The following ISLR variants were observed in gnomAD, a reference collection of about 807,000 sequenced individuals.
ISLR encodes immunoglobulin superfamily containing leucine rich repeat.
ISLR carries 9 observed loss-of-function variants against 11.0 expected under a neutral mutation model. The observed-to-expected ratio is 0.82, with a 90% confidence interval of 0.49 to 1.43. The LOEUF is 1.43. Ranked by LOEUF, ISLR falls within the 40% of genes most tolerant of loss-of-function variation. ISLR has a pLI of 0.00. For missense variants in ISLR, 510 were observed against 576.4 expected (o/e 0.88, Z 1.18); for synonymous variants, 262 against 264.1 (o/e 0.99, Z 0.08).
chr15:74,176,253 C>A lies in ISLR; in HGVS notation c.*108C>A. 1.2e-6 allele frequency: 1 copy of A among 818,406 alleles called. No individual in the cohort carries two copies. Among genetic ancestry groups the A allele is most frequent in the Non-Finnish European group, 1.9e-6 (1 of 527,972 alleles). The allele number at this position is 818,406 out of a possible 1,614,324, so 50.7% of individuals were successfully genotyped here. A position where few individuals can be genotyped will look rare whatever the true frequency, so the allele number is the denominator to read the frequency against. ...CCTGAGGCCTGCATGGGTGACTTCA[C>A]ATTTTCCTACCTCTCCTTCTAATCT... is the stretch of plus-strand genomic sequence containing the variant. On this transcript the variant is annotated 3_prime_UTR_variant, in exon 2 of 2. Transcript: ENST00000249842.
rs201993055 is a variant in ISLR, at chr15:74,175,308, G to A, written c.450G>A (p.Ser150=). ...DAFRSLRALR[S]LQLNHNRLHT... ...TCCGCAGCCTCCGTGCTCTGCGCTC[G>A]CTGCAACTCAACCACAACCGCTTGC... Residue 150 remains serine, a synonymous_variant, in exon 2 of 2, where the codon TCG becomes TCA. Coordinates refer to ENST00000249842, the MANE Select transcript of ISLR (RefSeq NM_005545.4). This position sits in a 1 kb window ranked among gnomAD's most constrained non-coding sequence, Gnocchi z 4.7. 3.8e-5 allele frequency: 62 copies of A among 1,611,310 alleles called. No homozygotes were observed. Among genetic ancestry groups the A allele is most frequent in the South Asian group, 2.0e-4 (18 of 91,066 alleles).
Position 74,173,917 on chromosome 15 carries a change from C to T in ISLR, c.-111C>T, listed in dbSNP as rs2072763694. ...CCCCTCGCCCCAGCATCCAAGTCCT[C>T]CCTTGGGCGCCCGTGGCCCTGCAGA... On this transcript the variant is annotated 5_prime_UTR_variant, in exon 1 of 2. Transcript: ENST00000249842. 6.5e-6 allele frequency: 1 copy of T among 153,084 alleles called. No homozygotes were observed. Among genetic ancestry groups the T allele is most frequent in the African/African-American group, 2.4e-5 (1 of 41,490 alleles). The allele number at this position is 153,084 out of a possible 1,614,324, so 9.5% of individuals were successfully genotyped here. A position where few individuals can be genotyped will look rare whatever the true frequency, so the allele number is the denominator to read the frequency against.
In ISLR at chr15:74,173,771, G is replaced by C. The variant is rs1008835804; in HGVS notation, c.-257G>C. On this transcript the variant is annotated 5_prime_UTR_variant, in exon 1 of 2. Transcript: ENST00000249842. Reference sequence around the variant, plus strand: ...AAGCAGTTGTTTTGCTGGAAGGAGGGAGTGCGCGGGCTGCCCCGGGCTCCT... The same window carrying C: ...AAGCAGTTGTTTTGCTGGAAGGAGGCAGTGCGCGGGCTGCCCCGGGCTCCT... The C allele has an allele frequency of 1.3e-5, 2 of 154,478 alleles. No individual in the cohort carries two copies. The highest frequency in any genetic ancestry group is 4.8e-5 in the African/African-American group (2 of 41,546). The allele number at this position is 154,478 out of a possible 1,614,324, so 9.6% of individuals were successfully genotyped here.
At position 74,176,225 on chromosome 15, in the gene ISLR, A is replaced by C; in HGVS notation, c.*80A>C. Reference sequence around the variant, plus strand: ...GTGCTGCAGGGGTCTGGGGTTGGCAACTCCTGAGGCCTGCATGGGTGACTT... The same window carrying C: ...GTGCTGCAGGGGTCTGGGGTTGGCACCTCCTGAGGCCTGCATGGGTGACTT... On this transcript the variant is annotated 3_prime_UTR_variant, in exon 2 of 2. Coordinates refer to ENST00000249842, the MANE Select transcript of ISLR (RefSeq NM_005545.4). 1.7e-6 allele frequency: 2 copies of C among 1,175,128 alleles called. No individual in the cohort carries two copies. Among genetic ancestry groups the C allele is most frequent in the Non-Finnish European group, 1.2e-6 (1 of 839,408 alleles). The allele number at this position is 1,175,128 out of a possible 1,614,324, so 72.8% of individuals were successfully genotyped here. A position where few individuals can be genotyped will look rare whatever the true frequency, so the allele number is the denominator to read the frequency against.
Position 74,176,424 on chromosome 15 carries a change from C to G in ISLR, c.*279C>G. On this transcript the variant is annotated 3_prime_UTR_variant, in exon 2 of 2. Coordinates refer to ENST00000249842, the MANE Select transcript of ISLR (RefSeq NM_005545.4). ...TCTCCTCTCAGGGGCAGCATGCTAA[C>G]GGGGCGACGTCCTAATCCAACTGGG... The G allele has an allele frequency of 2.4e-6, 1 of 410,678 alleles. No individual in the cohort carries two copies. The highest frequency in any genetic ancestry group is 4.5e-6 in the Non-Finnish European group (1 of 223,358). The allele number at this position is 410,678 out of a possible 1,614,324, so 25.4% of individuals were successfully genotyped here.
chr15:74,174,835 A>G lies in ISLR; in HGVS notation c.-8-16A>G. 6.6e-7 allele frequency: 1 copy of G among 1,506,742 alleles called. No homozygotes were observed. The highest frequency in any genetic ancestry group is 8.8e-7 in the Non-Finnish European group (1 of 1,132,352). The allele number at this position is 1,506,742 out of a possible 1,614,324, so 93.3% of individuals were successfully genotyped here. On this transcript the variant is annotated splice_polypyrimidine_tract_variant and intron_variant, in intron 1 of 1. Transcript: ENST00000249842. ...AGGTTCTCGGGATCCCCTGGGTGAC[A>G]TGCCTTTCTCTGCAGGAGGCACCAT...
rs3178164 is a variant in ISLR at position 74,176,864 on chromosome 15, C to G, written c.*719C>G. ...AGCAGCAGAGAAATAAACAGCATTT[C>G]TGATGCCCCTCCGTGTCTGCCTGGA... On this transcript the variant is annotated 3_prime_UTR_variant, in exon 2 of 2. Transcript: ENST00000249842. 1 of 167,302 alleles carries G rather than the reference C, an allele frequency of 6.0e-6. No homozygotes were observed. Among genetic ancestry groups the G allele is most frequent in the Non-Finnish European group, 1.5e-5 (1 of 68,188 alleles). 10.4% of individuals were successfully genotyped at this position (167,302 alleles called of 1,614,324 possible). A position where few individuals can be genotyped will look rare whatever the true frequency, so the allele number is the denominator to read the frequency against.
In ISLR at chr15:74,175,108, A is replaced by T. The variant is rs370512115; in HGVS notation, c.250A>T (p.Asn84Tyr). ...GCTGCAGTCGCTGTGGCTGGCACACAATGAGATCCGCACGGTGGCCGCCGG... is the reference window on the plus strand; with the variant it reads ...GCTGCAGTCGCTGTGGCTGGCACACTATGAGATCCGCACGGTGGCCGCCGG... ...PLLQSLWLAH[N>Y]EIRTVAAGAL... is the part of the protein sequence containing the mutation. Residue 84 changes from asparagine (N) to tyrosine (Y), a missense_variant, in exon 2 of 2, where the codon AAT becomes TAT. Asn to Tyr is a moderately radical substitution (Grantham distance 143). Transcript: ENST00000249842. This position sits in a 1 kb window ranked among gnomAD's most constrained non-coding sequence, Gnocchi z 4.7. The T allele has an allele frequency of 8.4e-5, 136 of 1,611,110 alleles. No individual in the cohort carries two copies. Among genetic ancestry groups the T allele is most frequent in the Non-Finnish European group, 1.1e-4 (133 of 1,179,948 alleles).
rs1257041317 is a variant in ISLR at position 74,175,932 on chromosome 15, G to T, written c.1074G>T (p.Arg358Ser). 2 of 1,610,998 alleles carry T rather than the reference G, an allele frequency of 1.2e-6. No individual in the cohort carries two copies. Among genetic ancestry groups the T allele is most frequent in the Non-Finnish European group, 1.7e-6 (2 of 1,177,728 alleles). Reference protein sequence around the residue: ...GEGGEDTLGRRFHGKAVEGKG... With the variant: ...GEGGEDTLGRSFHGKAVEGKG... ...GTGGTGAGGACACACTGGGGCGCAG[G>T]TTCCATGGCAAAGCGGTTGAGGGAA... Residue 358 changes from arginine to serine, a missense_variant, in exon 2 of 2, where the codon AGG becomes AGT. Coordinates refer to ENST00000249842, the MANE Select transcript of ISLR (RefSeq NM_005545.4). This position sits in a 1 kb window ranked among gnomAD's most constrained non-coding sequence, Gnocchi z 4.7.
rs369092185 is a variant in ISLR, at chr15:74,176,433, G to A, written c.*288G>A. ...AGGGGCAGCATGCTAACGGGGCGAC[G>A]TCCTAATCCAACTGGGAGAAGCCTC... is the stretch of plus-strand genomic sequence containing the variant. On this transcript the variant is annotated 3_prime_UTR_variant, in exon 2 of 2. Transcript: ENST00000249842. 85 of 390,152 alleles carry A rather than the reference G, an allele frequency of 2.2e-4. No individual in the cohort carries two copies. The highest frequency in any genetic ancestry group is 1.2e-3 in the African/African-American group (58 of 48,508). 24.2% of individuals were successfully genotyped at this position (390,152 alleles called of 1,614,324 possible).
At position 74,175,682 on chromosome 15, in the gene ISLR, G is replaced by T. The variant is rs769533239; in HGVS notation, c.824G>T (p.Ser275Ile). The change falls in exon 2 of 2, where the codon AGT becomes ATT. Residue 275 changes from serine (S) to isoleucine (I), a missense_variant. By Grantham distance (142) the Ser-to-Ile change is moderately radical. Transcript: ENST00000249842. This position sits in a 1 kb window ranked among gnomAD's most constrained non-coding sequence, Gnocchi z 4.7. ...PQLHWHIQIP[S>I]GIVEITSPNV... Reference sequence around the variant, plus strand: ...CTTCACTGGCACATCCAGATACCCAGTGGCATTGTGGAGATCACCAGCCCC... The same window carrying T: ...CTTCACTGGCACATCCAGATACCCATTGGCATTGTGGAGATCACCAGCCCC... 3 of 1,614,138 alleles carry T rather than the reference G, an allele frequency of 1.9e-6. No individual in the cohort carries two copies. Among genetic ancestry groups the T allele is most frequent in the Non-Finnish European group, 2.5e-6 (3 of 1,180,036 alleles).
rs199592434 is a variant in ISLR at position 74,175,803 on chromosome 15, C to T, written c.945C>T (p.Pro315=). The T allele has an allele frequency of 1.5e-5, 25 of 1,614,116 alleles. No individual in the cohort carries two copies. The highest frequency in any genetic ancestry group is 2.7e-5 in the African/African-American group (2 of 75,082). The part of the protein sequence containing the change: ...QAFANGSLLI[P]DFGKLEEGTY... ...TTGCCAATGGCAGCCTGCTTATCCC[C>T]GACTTTGGCAAGCTGGAGGAAGGCA... Residue 315 remains proline, a synonymous_variant, in exon 2 of 2, where the codon CCC becomes CCT. Coordinates refer to ENST00000249842, the MANE Select transcript of ISLR (RefSeq NM_005545.4). The surrounding 1 kb of genome is among the most constrained non-coding windows in gnomAD (Gnocchi z 4.7).
In ISLR at chr15:74,176,283, T is replaced by A; in HGVS notation, c.*138T>A. 1.5e-6 allele frequency: 1 copy of A among 650,286 alleles called. No homozygotes were observed. Among genetic ancestry groups the A allele is most frequent in the Non-Finnish European group, 2.6e-6 (1 of 384,428 alleles). The allele number at this position is 650,286 out of a possible 1,614,324, so 40.3% of individuals were successfully genotyped here. On this transcript the variant is annotated 3_prime_UTR_variant, in exon 2 of 2. Transcript: ENST00000249842. The stretch of plus-strand genomic sequence containing the variant: ...TCCTACCTCTCCTTCTAATCTCTTC[T>A]AGAGCACCTGCTATCCCCAACTTCT...
rs1302176785 is a variant in ISLR, at chr15:74,175,691, T to A, written c.833T>A (p.Val278Glu). The change falls in exon 2 of 2, where the codon GTG becomes GAG. Residue 278 changes from valine to glutamate, a missense_variant. Physicochemically the swap from Val to Glu is moderately radical, Grantham distance 121. Coordinates refer to ENST00000249842, the MANE Select transcript of ISLR (RefSeq NM_005545.4). The surrounding 1 kb of genome is among the most constrained non-coding windows in gnomAD (Gnocchi z 4.7). ...HWHIQIPSGI[V>E]EITSPNVGTD... The stretch of plus-strand genomic sequence containing the variant: ...CACATCCAGATACCCAGTGGCATTG[T>A]GGAGATCACCAGCCCCAACGTGGGC... The A allele has an allele frequency of 6.2e-6, 10 of 1,614,130 alleles. No individual in the cohort carries two copies. Among genetic ancestry groups the A allele is most frequent in the Non-Finnish European group, 8.5e-6 (10 of 1,180,024 alleles).
chr15:74,174,693 C>G (rs1455579303), intron 1 of ISLR, 158 bp from the exon 2 acceptor site: 6 of 548,762 alleles, frequency 1.1e-5, no homozygotes, highest in Admixed American at 7.3e-5. Flanking sequence ...TTTCTCCTTC[C>G]GTAGGATGGG....
Position 74,175,359 on chromosome 15 carries a change from C to T in ISLR, c.501C>T (p.Thr167=). The change falls in exon 2 of 2, where the codon ACC becomes ACT. Residue 167 remains threonine (T), a synonymous_variant. Transcript: ENST00000249842. This position sits in a 1 kb window ranked among gnomAD's most constrained non-coding sequence, Gnocchi z 4.7. ...RLHTLAEGTF[T]PLTALSHLQI... ...ACACATTGGCCGAGGGCACCTTCACCCCGCTCACCGCGCTGTCCCACCTGC... is the reference window on the plus strand; with the variant it reads ...ACACATTGGCCGAGGGCACCTTCACTCCGCTCACCGCGCTGTCCCACCTGC... 1 of 1,611,078 alleles carries T rather than the reference C, an allele frequency of 6.2e-7. No individual in the cohort carries two copies. Among genetic ancestry groups the T allele is most frequent in the Non-Finnish European group, 8.5e-7 (1 of 1,179,834 alleles).
At position 74,176,427 on chromosome 15, in the gene ISLR, G is replaced by A. The variant is rs2072796548; in HGVS notation, c.*282G>A. ...CCTCTCAGGGGCAGCATGCTAACGG[G>A]GCGACGTCCTAATCCAACTGGGAGA... On this transcript the variant is annotated 3_prime_UTR_variant, in exon 2 of 2. Coordinates refer to ENST00000249842, the MANE Select transcript of ISLR (RefSeq NM_005545.4). 1 of 400,692 alleles carries A rather than the reference G, an allele frequency of 2.5e-6. No homozygotes were observed. The highest frequency in any genetic ancestry group is 4.6e-6 in the Non-Finnish European group (1 of 216,304). The allele number at this position is 400,692 out of a possible 1,614,324, so 24.8% of individuals were successfully genotyped here. A position where few individuals can be genotyped will look rare whatever the true frequency, so the allele number is the denominator to read the frequency against.
At position 74,175,371 on chromosome 15, in the gene ISLR, G is replaced by A. The variant is rs2072781209; in HGVS notation, c.513G>A (p.Ala171=). 6 of 1,611,196 alleles carry A rather than the reference G, an allele frequency of 3.7e-6. No individual in the cohort carries two copies. The highest frequency in any genetic ancestry group is 2.2e-5 in the South Asian group (2 of 91,026). ...LAEGTFTPLT[A]LSHLQINENP... ...AGGGCACCTTCACCCCGCTCACCGCGCTGTCCCACCTGCAGATCAACGAGA... is the reference window on the plus strand; with the variant it reads ...AGGGCACCTTCACCCCGCTCACCGCACTGTCCCACCTGCAGATCAACGAGA... Residue 171 remains alanine, a synonymous_variant, in exon 2 of 2, where the codon GCG becomes GCA. Coordinates refer to ENST00000249842, the MANE Select transcript of ISLR (RefSeq NM_005545.4). The surrounding 1 kb of genome is among the most constrained non-coding windows in gnomAD (Gnocchi z 4.7).
intron 1 of ISLR, 156 bp downstream of exon 1, chr15:74,174,175 C>A (rs2072766237): frequency 6.6e-6 from 1 of 152,458 alleles, no homozygotes; most frequent in Non-Finnish European, 1.5e-5. Context: ...GCTTCTTCCA[C>A]AACCCACAAC....
Sources: gnomAD v4.1 joint callset for allele counts on GRCh38, gnomAD v4.1.1 for gene constraint, Gnocchi (gnomAD v3.1) non-coding constraint, MANE v1.5 for transcripts, NCBI Gene and HGNC (gene_info 2026-07-23, HGNC 2026-07-21) for gene names.